The following STON2 variants were observed in gnomAD, a reference collection of about 807,000 sequenced individuals.
STON2 encodes stonin-2.
In STON2, 29 loss-of-function variants were observed where a neutral mutation model predicts 65.7. The observed-to-expected ratio is 0.44, with a 90% CI of 0.33 to 0.60. STON2 has a LOEUF of 0.60. Among genes scored for constraint, STON2 ranks in the 20% least tolerant of loss-of-function variants. STON2 has a pLI of 0.03. For synonymous variants in STON2, 404 were observed against 414.2 expected (o/e 0.98, Z 0.30); for missense variants, 1,054 against 1,118.1 (o/e 0.94, Z 0.82).
At chr14:81,340,344 A>G (rs1897556583) in intron 4 of STON2, among the ~76,000 whole-genome samples, 1 of 152,224 alleles carries the variant, frequency 6.6e-6, no homozygotes, top group South Asian at 2.1e-4. Flanking sequence ...ACGAGGAACT[A>G]TTGGGGTTAG....
chr14:81,277,403 G>A lies in STON2; in HGVS notation c.2079C>T (p.Thr693=). ...ACTCATGGAGCTTGATCCACTTTGT[G>A]GTGGTGGTGGGCATGATGTCCTGCC... is the stretch of plus-strand genomic sequence containing the variant. ...VLRQDIMPTT[T]TKWIKLHECR... is the part of the protein sequence containing the mutation. Residue 693 remains threonine (T), a synonymous_variant, in exon 6 of 8, where the codon ACC becomes ACT. Coordinates refer to ENST00000614646, the MANE Select transcript of STON2 (RefSeq NM_001394390.1). 1 of 1,612,496 alleles carries A rather than the reference G, an allele frequency of 6.2e-7. No individual in the cohort carries two copies. Among genetic ancestry groups the A allele is most frequent in the Non-Finnish European group, 8.5e-7 (1 of 1,178,640 alleles).
chr14:81,321,536 A>T (rs1243333069), intron 5 of STON2, among the ~76,000 whole-genome samples: 1 of 152,174 alleles, frequency 6.6e-6, no homozygotes, highest in African/African-American at 2.4e-5. Context: ...CCACAGTTAG[A>T]TGCCTCTTTA....
chr14:81,309,484 T>C (rs1051142962), intron 5 of STON2, among the ~76,000 whole-genome samples: 2 of 152,220 alleles, frequency 1.3e-5, no homozygotes, highest in Non-Finnish European at 2.9e-5. Context: ...TTAGTTATGA[T>C]AATTTTTTAA....
intron 5 of STON2, among the ~76,000 whole-genome samples, chr14:81,282,341 AT>A (rs1251185557): frequency 2.0e-5 from 3 of 152,180 alleles, no homozygotes; most frequent in Non-Finnish European, 2.9e-5. Context: ...CTGCAGTCAA[AT>A]TGCCTGCGTT....
chr14:81,280,036 C>T (rs188089910), intron 5 of STON2, among the ~76,000 whole-genome samples: 3 of 152,288 alleles, frequency 2.0e-5, no homozygotes, highest in African/African-American at 7.2e-5. Flanking sequence ...ATAATACCCA[C>T]CCACTAAAAT....
chr14:81,373,741 C>A (rs185528035), intron 3 of STON2, among the ~76,000 whole-genome samples: 2 of 152,212 alleles, frequency 1.3e-5, no homozygotes, highest in African/African-American at 4.8e-5. Flanking sequence ...GTGAGAATTC[C>A]TAAAAGTCTT....
intron 5 of STON2, among the ~76,000 whole-genome samples, chr14:81,316,702 G>A (rs931858782): frequency 6.6e-6 from 1 of 152,182 alleles, no homozygotes; most frequent in African/African-American, 2.4e-5. Flanking sequence ...TACAAAGGAA[G>A]ACCTGAGACT....
intron 4 of STON2, among the ~76,000 whole-genome samples, chr14:81,342,475 C>A (rs774652728): frequency 6.6e-6 from 1 of 152,182 alleles, no homozygotes; most frequent in East Asian, 1.9e-4. Flanking sequence ...TGGAGCTCCA[C>A]ACAGAAATGT....
Position 81,264,400 on chromosome 14 carries a change from G to C in STON2, c.*4014C>G. ...AAGTAGCCTTCGAGTCTCAGGGTCA[G>C]TATTCTTTCAGCAAACATTTATTGA... is the stretch of plus-strand genomic sequence containing the variant. On this transcript the variant is annotated 3_prime_UTR_variant, in exon 8 of 8. Transcript: ENST00000614646. 1 of 985,452 alleles carries C rather than the reference G, an allele frequency of 1.0e-6. No individual in the cohort carries two copies. Among genetic ancestry groups the C allele is most frequent in the Non-Finnish European group, 1.2e-6 (1 of 829,926 alleles). The allele number at this position is 985,452 out of a possible 1,614,324, so 61.0% of individuals were successfully genotyped here. A position where few individuals can be genotyped will look rare whatever the true frequency, so the allele number is the denominator to read the frequency against.
At chr14:81,304,291 T>C (rs553485600) in intron 5 of STON2, among the ~76,000 whole-genome samples, 1 of 152,340 alleles carries the variant, frequency 6.6e-6, no homozygotes, top group South Asian at 2.1e-4. Context: ...TGACACTGTT[T>C]CAAGCACTTT....
At chr14:81,283,091 T>C (rs983865156) in intron 5 of STON2, among the ~76,000 whole-genome samples, 1 of 152,176 alleles carries the variant, frequency 6.6e-6, no homozygotes, top group African/African-American at 2.4e-5. Context: ...TGTGTAAGGA[T>C]TAGGTTCTCA....
At position 81,417,022 on chromosome 14, in the gene STON2, C is replaced by T. The variant is rs921474244; in HGVS notation, c.-199+10080G>A. On this transcript the variant is annotated intron_variant, in intron 2 of 8. Coordinates refer to the STON2 transcript ENST00000553821. ...AGGGTTTTATTTCCCAGGTAGATGA[C>T]GCAGAGGAAAAACTATTTCCCCCTT... Among the ~76,000 whole-genome samples, 19 of 152,136 alleles carry T rather than the reference C, an allele frequency of 1.2e-4. 1 individual carries two copies. Among genetic ancestry groups the T allele is most frequent in the Admixed American group, 6.5e-4 (10 of 15,276 alleles).
chr14:81,306,841 T>G (rs1896203364), intron 5 of STON2: 1 of 152,182 alleles, frequency 6.6e-6, no homozygotes, highest in South Asian at 2.1e-4. Flanking sequence ...ACATTAACCC[T>G]TTAACAAATT....
At chr14:81,409,430 AATAT>A (rs3041454) in intron 2 of STON2, among the ~76,000 whole-genome samples, 166 of 147,724 alleles carry the variant, frequency 1.1e-3, no homozygotes, top group African/African-American at 1.6e-3. Context: ...TAAATATAAA[AATAT>A]ATATATATAT....
At position 81,264,295 on chromosome 14, in the gene STON2, A is replaced by G. The variant is rs545359421; in HGVS notation, c.*4119T>C. 1.0e-6 allele frequency: 1 copy of G among 985,490 alleles called. No homozygotes were observed. The highest frequency in any genetic ancestry group is 1.7e-5 in the African/African-American group (1 of 57,372). 61.0% of individuals were successfully genotyped at this position (985,490 alleles called of 1,614,324 possible). Reference sequence around the variant, plus strand: ...ACTCTGGAGGCAGGAGTAAAAGGAAAGCAAAATTATTTAAGTCCTTCAGGA... The same window carrying G: ...ACTCTGGAGGCAGGAGTAAAAGGAAGGCAAAATTATTTAAGTCCTTCAGGA... On this transcript the variant is annotated 3_prime_UTR_variant, in exon 8 of 8. Transcript: ENST00000614646.
At chr14:81,407,397 C>T (rs1421786593) in intron 2 of STON2, among the ~76,000 whole-genome samples, 1 of 152,130 alleles carries the variant, frequency 6.6e-6, no homozygotes, top group Non-Finnish European at 1.5e-5. Context: ...TGCTCCAGAG[C>T]TGGGAAAATG....
chr14:81,271,990 G>A (rs58936609), intron 6 of STON2, among the ~76,000 whole-genome samples: 3,445 of 152,216 alleles, frequency 0.023, 135 homozygotes, highest in African/African-American at 0.079. Context: ...GCGGGAGGCC[G>A]AGGCAGGTGG....
intron 1 of STON2, chr14:81,436,075 C>T (rs1902407514): frequency 6.6e-6 from 1 of 152,262 alleles, no homozygotes; most frequent in Admixed American, 6.5e-5. Context: ...AGTCCTCCTC[C>T]ACCCCTACCT....
intron 5 of STON2, among the ~76,000 whole-genome samples, chr14:81,306,220 CTTTTTTTTTT>C (rs59730707): frequency 4.3e-5 from 3 of 69,510 alleles, no homozygotes; most frequent in East Asian, 5.0e-4. Flanking sequence ...CATACATACT[CTTTTTTTTTT>C]TTTTTTTTTT....
Sources: allele counts gnomAD v4.1 joint callset (sites outside exome capture counted in the v4.1 genomes callset), GRCh38; gene constraint gnomAD v4.1.1; transcripts MANE v1.5; gene names NCBI Gene and HGNC (gene_info 2026-07-23, HGNC 2026-07-21).